GPC5: variants seen among roughly 807,000 people sequenced by gnomAD.
The protein encoded by GPC5 is glypican-5.
Under a neutral mutation model 53.9 loss-of-function variants are expected in GPC5, and 47 were observed. The ratio of observed to expected loss-of-function variants is 0.87; its 90% CI spans 0.69 to 1.11. The LOEUF (loss-of-function observed/expected upper bound fraction) is 1.11. Among genes scored for constraint, GPC5 ranks in the 50% most tolerant of loss-of-function variants. The pLI, the probability that GPC5 is intolerant of heterozygous loss-of-function variation, is 0.00. For synonymous variants in GPC5, 286 were observed against 263.3 expected, an observed-to-expected ratio of 1.09 and a Z score of -0.84; for missense variants, 748 against 713.1, an observed-to-expected ratio of 1.05 and a Z score of -0.56.
chr13:92,812,618 T>A (rs1006844519), intron 7 of GPC5, among the ~76,000 whole-genome samples: 1 of 151,756 alleles, frequency 6.6e-6, no homozygotes, highest in Non-Finnish European at 1.5e-5. Context: ...CGAAGGCAAC[T>A]AGGTAAGAAA....
At chr13:91,916,281 G>A (rs892848234) in intron 6 of GPC5, among the ~76,000 whole-genome samples, 12 of 152,104 alleles carry the variant, frequency 7.9e-5, no homozygotes, top group Admixed American at 7.9e-4. Context: ...CAGCAATTCC[G>A]TATCTAGGTA....
chr13:92,333,455 C>A (rs947010548), intron 7 of GPC5, among the ~76,000 whole-genome samples: 1 of 152,010 alleles, frequency 6.6e-6, no homozygotes, highest in Non-Finnish European at 1.5e-5. Context: ...GAATCTCAGC[C>A]CACTCTAACC....
chr13:92,316,379 C>T (rs745610300), intron 7 of GPC5, among the ~76,000 whole-genome samples: 2 of 152,090 alleles, frequency 1.3e-5, no homozygotes, highest in Non-Finnish European at 2.9e-5. Context: ...ATTATGCTTT[C>T]CTTAATGCAT....
At chr13:92,130,685 A>C (rs1428525272) in intron 6 of GPC5, among the ~76,000 whole-genome samples, 3 of 152,066 alleles carry the variant, frequency 2.0e-5, no homozygotes, top group South Asian at 2.1e-4. Context: ...AAATATAATT[A>C]ACTTGTCTTT....
At chr13:92,836,165 G>T (rs1271361614) in intron 7 of GPC5, among the ~76,000 whole-genome samples, 1 of 151,778 alleles carries the variant, frequency 6.6e-6, no homozygotes, top group Non-Finnish European at 1.5e-5. Flanking sequence ...TTTAGTGTTT[G>T]TATTTTCATA....
At chr13:91,663,701 C>T (rs1324354406) in intron 2 of GPC5, among the ~76,000 whole-genome samples, 3 of 152,120 alleles carry the variant, frequency 2.0e-5, no homozygotes. Context: ...TGGCCTGAAG[C>T]AGTCTTCCCA....
At chr13:92,588,295 T>G (rs1321995646) in intron 7 of GPC5, among the ~76,000 whole-genome samples, 1 of 152,222 alleles carries the variant, frequency 6.6e-6, no homozygotes, top group Non-Finnish European at 1.5e-5. Flanking sequence ...ATGGTGTAAA[T>G]GTACCACATT....
At position 91,907,941 on chromosome 13, in the gene GPC5, A is replaced by T. The variant is rs1194486997; in HGVS notation, c.1285A>T (p.Thr429Ser). 1 of 1,594,768 alleles carries T rather than the reference A, an allele frequency of 6.3e-7. No homozygotes were observed. Among genetic ancestry groups the T allele is most frequent in the Non-Finnish European group, 8.5e-7 (1 of 1,178,414 alleles). The change falls in exon 6 of 8, where the codon ACT (threonine) becomes TCT (serine). Residue 429 changes from threonine to serine, a missense_variant. Coordinates refer to ENST00000377067, the MANE Select transcript of GPC5 (RefSeq NM_004466.6). ...WNGEDIVKSY[T>S]QRVVGNGIKA... The stretch of plus-strand genomic sequence containing the variant: ...CTTTCACATTTCCCTTGCTAGTTAT[A>T]CTCAGCGTGTGGTTGGAAATGGAAT...
intron 7 of GPC5, among the ~76,000 whole-genome samples, chr13:92,275,662 C>A (rs1181434757): frequency 6.6e-6 from 1 of 152,062 alleles, no homozygotes; most frequent in East Asian, 1.9e-4. Context: ...AGGGCCAAAC[C>A]AAGCTGCAGG....
intron 3 of GPC5, among the ~76,000 whole-genome samples, chr13:91,727,250 A>G (rs2036593966): frequency 6.6e-6 from 1 of 152,196 alleles, no homozygotes; most frequent in Non-Finnish European, 1.5e-5. Flanking sequence ...CAACATATCC[A>G]GGCTCAACAG....
At chr13:92,256,169 G>T (rs576644300) in intron 7 of GPC5, among the ~76,000 whole-genome samples, 12 of 151,518 alleles carry the variant, frequency 7.9e-5, no homozygotes, top group African/African-American at 2.9e-4. Flanking sequence ...ATAATATATA[G>T]AGAGATATAA....
intron 2 of GPC5, among the ~76,000 whole-genome samples, chr13:91,510,946 A>G (rs1381077468): frequency 6.6e-6 from 1 of 152,142 alleles, no homozygotes; most frequent in East Asian, 1.9e-4. Context: ...GCATAACTAG[A>G]TACCAGTATT....
intron 6 of GPC5, among the ~76,000 whole-genome samples, chr13:91,978,815 TTGAC>T (rs2040331624): frequency 1.3e-5 from 2 of 152,340 alleles, no homozygotes; most frequent in South Asian, 2.1e-4. Context: ...GGCAGGATGA[TTGAC>T]TGAGTAATAT....
At chr13:92,473,848 A>G (rs893289138) in intron 7 of GPC5, among the ~76,000 whole-genome samples, 1 of 152,116 alleles carries the variant, frequency 6.6e-6, no homozygotes, top group South Asian at 2.1e-4. Context: ...AAATTTTAAC[A>G]TGAGATATTT....
At chr13:92,068,140 A>G (rs189161119) in intron 6 of GPC5, among the ~76,000 whole-genome samples, 2 of 152,100 alleles carry the variant, frequency 1.3e-5, no homozygotes, top group Admixed American at 1.3e-4. Context: ...AGAGATATCC[A>G]TTATCACATG....
intron 5 of GPC5, among the ~76,000 whole-genome samples, chr13:91,846,831 G>A (rs191585755): frequency 6.6e-6 from 1 of 152,038 alleles, no homozygotes. Flanking sequence ...GAATTGAAGA[G>A]GTTTTGGGAA....
intron 5 of GPC5, among the ~76,000 whole-genome samples, chr13:91,789,382 T>C (rs1240333779): frequency 6.6e-6 from 1 of 152,180 alleles, no homozygotes; most frequent in Admixed American, 6.5e-5. Flanking sequence ...TAAAAAATAA[T>C]ATTGGTATGG....
chr13:92,480,758 A>C (rs2374028), intron 7 of GPC5, among the ~76,000 whole-genome samples: 3 of 21,826 alleles, frequency 1.4e-4, no homozygotes, highest in Non-Finnish European at 3.0e-4. Context: ...CAGGCAACAA[A>C]TCAATCTACA....
At chr13:92,269,464 A>G (rs7989093) in intron 7 of GPC5, among the ~76,000 whole-genome samples, 63,134 of 151,608 alleles carry the variant, frequency 0.42, 13,921 homozygotes, top group African/African-American at 0.57. Context: ...GGAGTGCAGC[A>G]GCACGATCTC....
Sources: allele counts gnomAD v4.1 joint callset (sites outside exome capture counted in the v4.1 genomes callset), GRCh38; gene constraint gnomAD v4.1.1; transcripts MANE v1.5; gene names NCBI Gene and HGNC (gene_info 2026-07-23, HGNC 2026-07-21).